UBE3A: variants seen among roughly 807,000 people sequenced by gnomAD.
UBE3A encodes the protein ubiquitin-protein ligase E3A.
A neutral mutation model predicts 83.4 loss-of-function variants in UBE3A; 6 were observed. That is an observed-to-expected ratio of 0.07 (90% CI 0.04 to 0.14). UBE3A has a LOEUF of 0.14. UBE3A is among the 10% of genes least tolerant of loss of function. UBE3A has a pLI of 1.00. For synonymous variants in UBE3A, 337 were observed against 355.4 expected, an observed-to-expected ratio of 0.95 and a Z score of 0.58; for missense variants, 456 against 1,036.1, an observed-to-expected ratio of 0.44 and a Z score of 7.69.
intron 1 of UBE3A, among the ~76,000 whole-genome samples, chr15:25,430,037 ATATATATATATATT>A: frequency 8.8e-6 from 1 of 113,194 alleles, no homozygotes; most frequent in South Asian, 2.5e-4. Context: ...CTATATATAT[ATATATATATATATT>A]TATATGTATT....
chr15:25,343,124 ATT>A (rs2075129673), intron 11 of UBE3A, among the ~76,000 whole-genome samples: 2 of 152,178 alleles, frequency 1.3e-5, no homozygotes, highest in Admixed American at 6.5e-5. Context: ...AAGCCACACA[ATT>A]CCTCCCTGCT....
intron 1 of UBE3A, among the ~76,000 whole-genome samples, chr15:25,419,779 T>C (rs2153140901): frequency 6.6e-6 from 1 of 152,198 alleles, no homozygotes. Context: ...AATGGATGTA[T>C]ACTATTCCAA....
In UBE3A at chr15:25,336,512, G is replaced by A. The variant is rs17115479; in HGVS notation, c.*2625C>T. The A allele has an allele frequency of 0.18, 27,258 of 151,992 alleles. 3,126 individuals carry two copies. The highest frequency in any genetic ancestry group is 0.32 in the African/African-American group (13,426 of 41,422). 9.4% of individuals were successfully genotyped at this position (151,992 alleles called of 1,614,324 possible). On this transcript the variant is annotated 3_prime_UTR_variant, in exon 13 of 13. Coordinates refer to ENST00000648336, the MANE Select transcript of UBE3A (RefSeq NM_130839.5). ...GTACCGAGGAGGGATGAGTAACATC[G>A]GCAAGTTCTGTTCGAAGCCTTTTTC... is the stretch of plus-strand genomic sequence containing the variant.
intron 11 of UBE3A, chr15:25,345,782 A>G (rs1193217712): frequency 1.3e-5 from 2 of 152,192 alleles, no homozygotes; most frequent in Admixed American, 1.3e-4. Flanking sequence ...TAGAAATGGG[A>G]AATTTCTGAA....
chr15:25,396,362 T>C (rs1724442426), intron 4 of UBE3A, among the ~76,000 whole-genome samples: 1 of 152,052 alleles, frequency 6.6e-6, no homozygotes, highest in Admixed American at 6.5e-5. Context: ...CCCAGCACTT[T>C]GTGAGGCCAA....
intron 1 of UBE3A, among the ~76,000 whole-genome samples, chr15:25,420,926 TAAATA>T (rs1397882368): frequency 3.3e-4 from 50 of 152,176 alleles, no homozygotes; most frequent in African/African-American, 1.1e-3. Flanking sequence ...GACAAATAAA[TAAATA>T]AAACAAAAAG....
chr15:25,377,762 G>GA (rs1322986918), intron 4 of UBE3A, among the ~76,000 whole-genome samples: 6 of 151,900 alleles, frequency 3.9e-5, no homozygotes, highest in South Asian at 2.1e-4. Context: ...TTCTATATCT[G>GA]AAAAAAACAT....
At chr15:25,408,385 C>T (rs2089205188) in intron 3 of UBE3A, 1 of 599,856 alleles carries the variant, frequency 1.7e-6, no homozygotes, top group Non-Finnish European at 2.9e-6. Flanking sequence ...AACATATAAC[C>T]AAAGGGAAAT....
chr15:25,379,581 T>A (rs1201611629), intron 4 of UBE3A, among the ~76,000 whole-genome samples: 1 of 152,168 alleles, frequency 6.6e-6, no homozygotes, highest in Non-Finnish European at 1.5e-5. Context: ...GACACCTTAA[T>A]TTATCTGACC....
At chr15:25,379,575 C>A (rs1362768654) in intron 4 of UBE3A, among the ~76,000 whole-genome samples, 2 of 152,128 alleles carry the variant, frequency 1.3e-5, no homozygotes, top group African/African-American at 4.8e-5. Context: ...TCCAATGACA[C>A]CTTAATTTAT....
At chr15:25,416,948 C>A (rs1486938468) in intron 1 of UBE3A, among the ~76,000 whole-genome samples, 1 of 152,052 alleles carries the variant, frequency 6.6e-6, no homozygotes, top group Non-Finnish European at 1.5e-5. Context: ...ATCAAGAGAT[C>A]AGAGCTGAGA....
intron 5 of UBE3A, 77 bp downstream of exon 5, chr15:25,375,388 C>T: frequency 1.3e-6 from 2 of 1,515,952 alleles, no homozygotes; most frequent in Admixed American, 2.1e-5. Flanking sequence ...GAAGAAAAAA[C>T]AAATAAAAAC....
At chr15:25,401,588 G>A (rs1385870011) in intron 4 of UBE3A, among the ~76,000 whole-genome samples, 1 of 152,110 alleles carries the variant, frequency 6.6e-6, no homozygotes, top group East Asian at 1.9e-4. Context: ...GCATATAATT[G>A]TTCAGTCTCT....
At chr15:25,379,233 A>G (rs908976051) in intron 4 of UBE3A, among the ~76,000 whole-genome samples, 11 of 152,194 alleles carry the variant, frequency 7.2e-5, no homozygotes, top group Admixed American at 1.3e-4. Context: ...AAGCACTATG[A>G]AAGTGTTAGC....
At chr15:25,435,967 C>T (rs1894955682) in intron 1 of UBE3A, among the ~76,000 whole-genome samples, 1 of 152,148 alleles carries the variant, frequency 6.6e-6, no homozygotes, top group East Asian at 1.9e-4. Flanking sequence ...ACGTGTTAGG[C>T]GTTTTACATA....
chr15:25,382,114 C>T (rs527603062), intron 4 of UBE3A, among the ~76,000 whole-genome samples: 5 of 152,186 alleles, frequency 3.3e-5, no homozygotes, highest in Non-Finnish European at 7.4e-5. Flanking sequence ...GTCAGGAGAT[C>T]GAGACCATCC....
chr15:25,336,135 T>G lies in UBE3A; in HGVS notation c.*3002A>C, dbSNP rs558233925. The G allele has an allele frequency of 2.0e-5, 3 of 151,832 alleles. No individual in the cohort carries two copies. In the East Asian group the frequency reaches 5.8e-4, roughly 29 times the overall value. 9.4% of individuals were successfully genotyped at this position (151,832 alleles called of 1,614,324 possible). A position where few individuals can be genotyped will look rare whatever the true frequency, so the allele number is the denominator to read the frequency against. On this transcript the variant is annotated 3_prime_UTR_variant, in exon 13 of 13. Transcript: ENST00000648336. The stretch of plus-strand genomic sequence containing the variant: ...TCTGTACTTGTAAAACCCTCTACCC[T>G]CCCCAGGCAATTCTTTACACACTAA...
intron 4 of UBE3A, among the ~76,000 whole-genome samples, chr15:25,387,447 G>A (rs1039204598): frequency 5.9e-5 from 9 of 151,998 alleles, no homozygotes; most frequent in South Asian, 2.1e-4. Context: ...GCGTGAACCC[G>A]GGAGGCGGAG....
chr15:25,353,398 A>T (rs893958990), intron 11 of UBE3A, among the ~76,000 whole-genome samples: 1 of 152,184 alleles, frequency 6.6e-6, no homozygotes, highest in Non-Finnish European at 1.5e-5. Context: ...TGTGTATACC[A>T]AAATCCATGC....
Sources: gnomAD v4.1 joint callset for allele counts (sites outside exome capture counted in the v4.1 genomes callset) on GRCh38, gnomAD v4.1.1 for gene constraint, MANE v1.5 for transcripts, NCBI Gene and HGNC (gene_info 2026-07-23, HGNC 2026-07-21) for gene names.